BLNK: variants seen among roughly 807,000 people sequenced by gnomAD.
BLNK encodes B-cell linker protein.
Under a neutral mutation model 73.5 loss-of-function variants are expected in BLNK, and 29 were observed. The ratio of observed to expected loss-of-function variants is 0.39; its 90% CI spans 0.29 to 0.54. The LOEUF is 0.54. Among genes scored for constraint, BLNK ranks in the 20% least tolerant of loss-of-function variants. BLNK has a pLI of 0.61. For synonymous variants in BLNK, 176 were observed against 200.8 expected, an observed-to-expected ratio of 0.88 and a Z score of 1.04; for missense variants, 460 against 562.8, an observed-to-expected ratio of 0.82 and a Z score of 1.85.
chr10:96,214,975 G>T (rs61856984), intron 8 of BLNK, among the ~76,000 whole-genome samples: 1 of 152,140 alleles, frequency 6.6e-6, no homozygotes, highest in Non-Finnish European at 1.5e-5. Flanking sequence ...GGTCTGTCTG[G>T]CTCAAAACCA....
intron 1 of BLNK, among the ~76,000 whole-genome samples, chr10:96,270,554 T>C (rs1291548170): frequency 6.6e-6 from 1 of 151,636 alleles, no homozygotes; most frequent in Non-Finnish European, 1.5e-5. Context: ...ATGGGATGTG[T>C]ATACCTATGT....
chr10:96,260,459 A>G (rs1209917386), intron 1 of BLNK, among the ~76,000 whole-genome samples: 2 of 152,242 alleles, frequency 1.3e-5, no homozygotes, highest in African/African-American at 2.4e-5. Flanking sequence ...TGAAAATGCA[A>G]TTCTACATAA....
chr10:96,197,822 A>G (rs1301106764), intron 15 of BLNK, among the ~76,000 whole-genome samples: 2 of 151,880 alleles, frequency 1.3e-5, no homozygotes, highest in African/African-American at 4.8e-5. Context: ...AGGCTGAGGC[A>G]GAAGAATGGC....
chr10:96,249,839 A>G (rs1843206916), intron 1 of BLNK, among the ~76,000 whole-genome samples: 1 of 152,222 alleles, frequency 6.6e-6, no homozygotes, highest in African/African-American at 2.4e-5. Flanking sequence ...AAGATCTTGT[A>G]GTAGCTGCAG....
At chr10:96,261,870 A>G (rs1206302528) in intron 1 of BLNK, among the ~76,000 whole-genome samples, 1 of 152,174 alleles carries the variant, frequency 6.6e-6, no homozygotes, top group East Asian at 1.9e-4. Flanking sequence ...ATTATTTTTC[A>G]TAATGAAGTT....
At position 96,230,826 on chromosome 10, in the gene BLNK, C is replaced by T. The variant is rs1332669211; in HGVS notation, c.172G>A (p.Ala58Thr). 22 of 1,611,340 alleles carry T rather than the reference C, an allele frequency of 1.4e-5. No individual in the cohort carries two copies. The highest frequency in any genetic ancestry group is 1.5e-5 in the Non-Finnish European group (18 of 1,178,976). Residue 58 changes from alanine (A) to threonine (T), a missense_variant, in exon 4 of 17, where the codon GCT becomes ACT. Ala to Thr is a moderately conservative substitution (Grantham distance 58, BLOSUM62 0). Transcript: ENST00000224337. The part of the protein sequence containing the change: ...PRRDYASESP[A>T]DEEEQWSDDF... ...TCGGACCACTGCTCCTCTTCGTCAG[C>T]AGGGCTCTCTGCAACAGCAGGGGAG...
At chr10:96,250,711 C>G (rs989351970) in intron 1 of BLNK, among the ~76,000 whole-genome samples, 10 of 152,166 alleles carry the variant, frequency 6.6e-5, no homozygotes, top group South Asian at 4.1e-4. Context: ...TGTAAATAAA[C>G]AGATGCAAAA....
chr10:96,214,860 G>A lies in BLNK; in HGVS notation c.676+461C>T, dbSNP rs138359089. Among the ~76,000 whole-genome samples the A allele has an allele frequency of 2.5e-3, 376 of 152,240 alleles. 2 individuals carry two copies. The highest frequency in any genetic ancestry group is 3.5e-3 in the Admixed American group (54 of 15,298). On this transcript the variant is annotated intron_variant, in intron 8 of 16. Coordinates refer to ENST00000224337, the MANE Select transcript of BLNK (RefSeq NM_013314.4). ...CAGAATTCTCCTGTCACAGAGTAGG[G>A]GCTATGAGCACCATTTACAGAAAAG...
At chr10:96,209,707 A>G (rs1414701696) in intron 9 of BLNK, 131 bp downstream of exon 9, 2 of 1,125,514 alleles carry the variant, frequency 1.8e-6, no homozygotes, top group African/African-American at 3.1e-5. Context: ...TGATGTTAGC[A>G]GGGCTCCTTA....
At chr10:96,208,630 G>T (rs1554897982) in intron 9 of BLNK, among the ~76,000 whole-genome samples, 1 of 152,098 alleles carries the variant, frequency 6.6e-6, no homozygotes, top group African/African-American at 2.4e-5. Context: ...TATTGGTAAG[G>T]TTGTATGCTC....
intron 2 of BLNK, among the ~76,000 whole-genome samples, chr10:96,245,325 G>A (rs1409750913): frequency 6.6e-6 from 1 of 152,118 alleles, no homozygotes; most frequent in Admixed American, 6.5e-5. Context: ...CAAAATTTGG[G>A]GAGAAAAATT....
chr10:96,210,060 A>C (rs908186853), intron 8 of BLNK, 153 bp from the exon 9 acceptor site: 4 of 810,694 alleles, frequency 4.9e-6, no homozygotes, highest in Non-Finnish European at 8.4e-6. Context: ...GAAGCTATTA[A>C]GGAAAACTTG....
chr10:96,215,682 G>A (rs1218432075), intron 7 of BLNK, among the ~76,000 whole-genome samples: 3 of 152,118 alleles, frequency 2.0e-5, no homozygotes, highest in Admixed American at 6.5e-5. Flanking sequence ...AATTTCATTT[G>A]CCAAGTGGGA....
At chr10:96,234,178 G>C (rs1842612935) in intron 3 of BLNK, among the ~76,000 whole-genome samples, 1 of 152,196 alleles carries the variant, frequency 6.6e-6, no homozygotes, top group Non-Finnish European at 1.5e-5. Flanking sequence ...TGAGCACTTA[G>C]ATAAAACCTT....
intron 10 of BLNK, among the ~76,000 whole-genome samples, 200 bp downstream of exon 10, chr10:96,207,672 G>A (rs1364056917): frequency 6.6e-6 from 1 of 152,198 alleles, no homozygotes; most frequent in African/African-American, 2.4e-5. Context: ...GTGAGGATGA[G>A]CTCCTTCTAT....
At chr10:96,250,118 C>T (rs782110248) in intron 1 of BLNK, among the ~76,000 whole-genome samples, 20 of 152,094 alleles carry the variant, frequency 1.3e-4, no homozygotes, top group African/African-American at 3.6e-4. Flanking sequence ...CTAGGGAGGC[C>T]GGGCACACTG....
intron 2 of BLNK, among the ~76,000 whole-genome samples, chr10:96,245,805 CACAT>C (rs1554907463): frequency 1.3e-5 from 2 of 151,554 alleles, no homozygotes; most frequent in East Asian, 1.9e-4. Flanking sequence ...TTTAAGCACA[CACAT>C]ACATACATAT....
intron 1 of BLNK, among the ~76,000 whole-genome samples, chr10:96,252,120 C>T (rs1388685358): frequency 2.0e-5 from 3 of 152,248 alleles, no homozygotes; most frequent in African/African-American, 4.8e-5. Context: ...GGCGTGATCT[C>T]GGCTCACTGC....
intron 2 of BLNK, among the ~76,000 whole-genome samples, chr10:96,246,550 C>T (rs960421749): frequency 2.0e-5 from 3 of 151,982 alleles, no homozygotes; most frequent in Admixed American, 6.6e-5. Context: ...GAAACTCCAT[C>T]TCAAAAAAAC....
Sources: allele counts gnomAD v4.1 joint callset (sites outside exome capture counted in the v4.1 genomes callset), GRCh38; gene constraint gnomAD v4.1.1; transcripts MANE v1.5; gene names NCBI Gene and HGNC (gene_info 2026-07-23, HGNC 2026-07-21).